RUSC2: variants seen among roughly 807,000 people sequenced by gnomAD.
The protein encoded by RUSC2 is RUN and SH3 domain containing 2, also known as AP-4 complex accessory subunit RUSC2.
A neutral mutation model predicts 122.2 loss-of-function variants in RUSC2; 34 were observed. The observed-to-expected ratio is 0.28, with a 90% CI of 0.21 to 0.37. The LOEUF is 0.37. Ranked by LOEUF, RUSC2 falls within the 10% of genes least tolerant of loss-of-function variation. RUSC2 has a pLI of 1.00. For missense variants in RUSC2, 1,747 were observed against 1,952.4 expected, an observed-to-expected ratio of 0.89 and a Z score of 1.98; for synonymous variants, 784 against 790.0, an observed-to-expected ratio of 0.99 and a Z score of 0.13.
At chr9:35,492,813 C>T (rs1350407760) in intron 1 of RUSC2, among the ~76,000 whole-genome samples, 1 of 152,024 alleles carries the variant, frequency 6.6e-6, no homozygotes, top group African/African-American at 2.4e-5. Flanking sequence ...AACTCTGTAC[C>T]AGTAAGATGC....
chr9:35,559,724 G>C (rs1181038546), intron 9 of RUSC2, among the ~76,000 whole-genome samples: 2 of 152,154 alleles, frequency 1.3e-5, no homozygotes, highest in Non-Finnish European at 2.9e-5. Flanking sequence ...AACAGAGTGA[G>C]ACTCAGTCTC....
chr9:35,553,661 C>G (rs185443032), intron 2 of RUSC2, among the ~76,000 whole-genome samples: 1 of 152,128 alleles, frequency 6.6e-6, no homozygotes, highest in Non-Finnish European at 1.5e-5. Flanking sequence ...GCAAAAGGCC[C>G]GGAGATGTTC....
intron 1 of RUSC2, among the ~76,000 whole-genome samples, chr9:35,501,712 T>C (rs190510120): frequency 6.6e-6 from 1 of 152,322 alleles, no homozygotes; most frequent in Admixed American, 6.5e-5. Flanking sequence ...CCAACCATGG[T>C]TCGAGAGACA....
At chr9:35,517,959 A>G (rs1821141116) in intron 1 of RUSC2, among the ~76,000 whole-genome samples, 1 of 152,220 alleles carries the variant, frequency 6.6e-6, no homozygotes, top group African/African-American at 2.4e-5. Flanking sequence ...CTTTGAGAGA[A>G]CAGGTACTCT....
rs1294457808 is a variant in RUSC2, at chr9:35,547,066, C to T, written c.545C>T (p.Thr182Ile). The T allele has an allele frequency of 2.5e-6, 4 of 1,613,206 alleles. No homozygotes were observed. Among genetic ancestry groups the T allele is most frequent in the Non-Finnish European group, 3.4e-6 (4 of 1,179,532 alleles). The change falls in exon 2 of 12, where the codon ACT becomes ATT. Residue 182 changes from threonine (T) to isoleucine (I), a missense_variant. By Grantham distance (89) the Thr-to-Ile change is moderately conservative. Coordinates refer to ENST00000361226, the MANE Select transcript of RUSC2 (RefSeq NM_014806.5). The surrounding 1 kb of genome is among the most constrained non-coding windows in gnomAD (Gnocchi z 4.6). ...CAGGAGCCAGTGATGACCTTGGATA[C>T]TCAGCAGTGCGGCACCAGCCACTGC... The part of the protein sequence containing the change: ...QEQEPVMTLD[T>I]QQCGTSHCCR...
Position 35,547,539 on chromosome 9 carries a change from C to T in RUSC2, c.1018C>T (p.Pro340Ser). The part of the protein sequence containing the change: ...ESKMSYESHH[P>S]ESGGREGGYG... ...TAAGATGTCTTATGAGTCCCATCAC[C>T]CTGAAAGTGGAGGAAGGGAAGGGGG... Residue 340 changes from proline (P) to serine (S), a missense_variant, in exon 2 of 12, where the codon CCT becomes TCT. Coordinates refer to ENST00000361226, the MANE Select transcript of RUSC2 (RefSeq NM_014806.5). This position sits in a 1 kb window ranked among gnomAD's most constrained non-coding sequence, Gnocchi z 4.6. 1 of 1,614,180 alleles carries T rather than the reference C, an allele frequency of 6.2e-7. No homozygotes were observed. The highest frequency in any genetic ancestry group is 1.1e-5 in the South Asian group (1 of 91,080).
chr9:35,556,475 G>C, intron 5 of RUSC2, 27 bp downstream of exon 5: 1 of 1,608,002 alleles, frequency 6.2e-7, no homozygotes, highest in Non-Finnish European at 8.5e-7. Context: ...GCTCAGGCCA[G>C]GGACTCTGCT....
Position 35,531,568 on chromosome 9 carries a change from T to A in RUSC2, c.-92-14862T>A, listed in dbSNP as rs115644205. Among the ~76,000 whole-genome samples, 1,294 of 152,340 alleles carry A rather than the reference T, an allele frequency of 8.5e-3. 17 individuals carry two copies. The highest frequency in any genetic ancestry group is 0.029 in the African/African-American group (1,196 of 41,570). Reference sequence around the variant, plus strand: ...CTTTATCTGAGTCCCAGCTTAGACATTTACTGACTGAGTTACATTGGGAAG... The same window carrying A: ...CTTTATCTGAGTCCCAGCTTAGACAATTACTGACTGAGTTACATTGGGAAG... On this transcript the variant is annotated intron_variant, in intron 1 of 11. Transcript: ENST00000361226.
In RUSC2 at chr9:35,556,315, A is replaced by C. The variant is rs1260676081; in HGVS notation, c.2850A>C (p.Ala950=). 2 of 1,613,960 alleles carry C rather than the reference A, an allele frequency of 1.2e-6. No individual in the cohort carries two copies. The highest frequency in any genetic ancestry group is 2.7e-5 in the African/African-American group (2 of 74,914). ...SHLNCRLNGQ[A]VKPLPLTCPD... is the part of the protein sequence containing the mutation. ...TTTTTCTCTTCTTTCCAGGCCAAGCAGTGAAGCCGTTACCACTGACCTGCC... is the reference window on the plus strand; with the variant it reads ...TTTTTCTCTTCTTTCCAGGCCAAGCCGTGAAGCCGTTACCACTGACCTGCC... Residue 950 remains alanine (A), a synonymous_variant, in exon 5 of 12, where the codon GCA becomes GCC. Coordinates refer to ENST00000361226, the MANE Select transcript of RUSC2 (RefSeq NM_014806.5).
At chr9:35,537,872 G>A (rs1821561017) in intron 1 of RUSC2, among the ~76,000 whole-genome samples, 1 of 152,210 alleles carries the variant, frequency 6.6e-6, no homozygotes, top group African/African-American at 2.4e-5. Context: ...GGGAGCAGTG[G>A]CACAAAGTGG....
At chr9:35,535,798 T>C (rs759131854) in intron 1 of RUSC2, among the ~76,000 whole-genome samples, 13 of 151,462 alleles carry the variant, frequency 8.6e-5, no homozygotes, top group Non-Finnish European at 1.0e-4. Flanking sequence ...CCTCGGCCTC[T>C]CAAAGTGCTG....
In RUSC2 at chr9:35,556,376, C is replaced by G; in HGVS notation, c.2911C>G (p.Pro971Ala). ...GGACCCCTTTTCCTTGACGGAGAAG[C>G]CTCCAGCTGAGTTTTGTCTGTCCCC... The part of the protein sequence containing the change: ...FQDPFSLTEK[P>A]PAEFCLSPDG... The change falls in exon 5 of 12, where the codon CCT becomes GCT. Residue 971 changes from proline (P) to alanine (A), a missense_variant. Transcript: ENST00000361226. 1.9e-6 allele frequency: 3 copies of G among 1,614,214 alleles called. No homozygotes were observed. Among genetic ancestry groups the G allele is most frequent in the Non-Finnish European group, 2.5e-6 (3 of 1,180,026 alleles).
chr9:35,548,512 G>T lies in RUSC2; in HGVS notation c.1991G>T (p.Arg664Met). The T allele has an allele frequency of 6.2e-7, 1 of 1,612,822 alleles. No homozygotes were observed. ...AGCCCAGCCAACAGCCATACCCAGA[G>T]GGATGCAAGAGCTAGAGCTGACGGT... ...PGSPANSHTQ[R>M]DARARADGGG... The change falls in exon 2 of 12, where the codon AGG becomes ATG. Residue 664 changes from arginine to methionine, a missense_variant. By Grantham distance (91) the Arg-to-Met change is moderately conservative. Coordinates refer to ENST00000361226, the MANE Select transcript of RUSC2 (RefSeq NM_014806.5). This position sits in a 1 kb window ranked among gnomAD's most constrained non-coding sequence, Gnocchi z 4.5.
intron 1 of RUSC2, among the ~76,000 whole-genome samples, chr9:35,513,611 T>C (rs147060770): frequency 2.7e-4 from 41 of 152,274 alleles, no homozygotes; most frequent in Admixed American, 1.6e-3. Context: ...TAGTTTCATC[T>C]TGACAACAAT....
Position 35,560,685 on chromosome 9 carries a change from C to A in RUSC2, c.4045C>A (p.Pro1349Thr). 1 of 1,572,080 alleles carries A rather than the reference C, an allele frequency of 6.4e-7. No individual in the cohort carries two copies. Among genetic ancestry groups the A allele is most frequent in the Non-Finnish European group, 8.6e-7 (1 of 1,157,796 alleles). The change falls in exon 10 of 12, where the codon CCT becomes ACT. Residue 1349 changes from proline to threonine, a missense_variant. Physicochemically the swap from Pro to Thr is conservative, Grantham distance 38. Transcript: ENST00000361226. ...CTGGCCCTTCTGGATGGGGAGCCCC[C>A]CTGACTCTGTGCTGGCCGAGCTGAG... The part of the protein sequence containing the change: ...RGWPFWMGSP[P>T]DSVLAELRRS...
intron 1 of RUSC2, among the ~76,000 whole-genome samples, chr9:35,535,632 G>A (rs1407056023): frequency 6.7e-6 from 1 of 149,032 alleles, no homozygotes; most frequent in East Asian, 2.0e-4. Flanking sequence ...TCTGCCTCCT[G>A]GGTTCACGCC....
intron 1 of RUSC2, among the ~76,000 whole-genome samples, chr9:35,545,536 G>A (rs1821726755): frequency 6.6e-6 from 1 of 152,198 alleles, no homozygotes; most frequent in Non-Finnish European, 1.5e-5. Flanking sequence ...ACTGGGAAGA[G>A]AAGACTTTCT....
chr9:35,542,529 A>G (rs1821661068), intron 1 of RUSC2, among the ~76,000 whole-genome samples: 1 of 152,240 alleles, frequency 6.6e-6, no homozygotes, highest in African/African-American at 2.4e-5. Flanking sequence ...CATGAGGCAT[A>G]TATCTGACAG....
chr9:35,524,732 G>A (rs752242953), intron 1 of RUSC2, among the ~76,000 whole-genome samples: 3 of 152,178 alleles, frequency 2.0e-5, no homozygotes, highest in Non-Finnish European at 4.4e-5. Flanking sequence ...AGCACTTTGG[G>A]AGGCCGAGAC....
Sources: gnomAD v4.1 joint callset for allele counts (sites outside exome capture counted in the v4.1 genomes callset) on GRCh38, gnomAD v4.1.1 for gene constraint, Gnocchi (gnomAD v3.1) non-coding constraint, MANE v1.5 for transcripts, NCBI Gene and HGNC (gene_info 2026-07-23, HGNC 2026-07-21) for gene names.